The following VAT1L variants were observed in gnomAD, a reference collection of about 807,000 sequenced individuals.
The protein encoded by VAT1L is putative NADPH-dependent quinone oxidoreductase VAT1L.
VAT1L carries 34 observed loss-of-function variants against 44.1 expected under a neutral mutation model. The observed-to-expected ratio is 0.77, with a 90% CI of 0.59 to 1.03. VAT1L has a LOEUF of 1.03. Among genes scored for constraint, VAT1L ranks in the 50% least tolerant of loss-of-function variants. The pLI is 0.00. For missense variants in VAT1L, 615 were observed against 538.8 expected, an observed-to-expected ratio of 1.14 and a Z score of -1.40; for synonymous variants, 253 against 202.2, an observed-to-expected ratio of 1.25 and a Z score of -2.13.
intron 5 of VAT1L, among the ~76,000 whole-genome samples, chr16:77,877,764 A>C (rs1201017739): frequency 1.3e-5 from 2 of 151,582 alleles, no homozygotes; most frequent in Admixed American, 1.3e-4. Flanking sequence ...GAGAGGTATA[A>C]ATATGCAAGC....
chr16:77,808,870 T>G (rs539670567), intron 1 of VAT1L, among the ~76,000 whole-genome samples: 2 of 152,342 alleles, frequency 1.3e-5, no homozygotes, highest in African/African-American at 2.4e-5. Context: ...GTGCTGCGAT[T>G]ATAGGCGTGA....
intron 7 of VAT1L, among the ~76,000 whole-genome samples, chr16:77,938,748 T>A (rs575274768): frequency 6.6e-6 from 1 of 152,210 alleles, no homozygotes; most frequent in Non-Finnish European, 1.5e-5. Context: ...CTCTTTTCTT[T>A]ATAAATTACC....
At chr16:77,810,033 G>A (rs1432214916) in intron 1 of VAT1L, among the ~76,000 whole-genome samples, 2 of 152,166 alleles carry the variant, frequency 1.3e-5, no homozygotes, top group Non-Finnish European at 2.9e-5. Flanking sequence ...GAAAGAGACA[G>A]ACAAATGAGA....
At chr16:77,864,555 G>A (rs1351918225) in intron 4 of VAT1L, among the ~76,000 whole-genome samples, 3 of 152,220 alleles carry the variant, frequency 2.0e-5, no homozygotes, top group South Asian at 2.1e-4. Flanking sequence ...GCAGTGAGCT[G>A]AGATCATGCC....
intron 1 of VAT1L, among the ~76,000 whole-genome samples, chr16:77,809,751 T>C (rs2016232685): frequency 6.6e-6 from 1 of 152,236 alleles, no homozygotes; most frequent in Non-Finnish European, 1.5e-5. Flanking sequence ...GTTTACTACA[T>C]GTGACTTCAA....
chr16:77,826,669 A>G (rs1258558465), intron 3 of VAT1L, among the ~76,000 whole-genome samples: 1 of 152,168 alleles, frequency 6.6e-6, no homozygotes, highest in Non-Finnish European at 1.5e-5. Flanking sequence ...GCTACATGGC[A>G]AGCACTATGT....
At chr16:77,910,227 T>C (rs1308360040) in intron 7 of VAT1L, among the ~76,000 whole-genome samples, 1 of 152,022 alleles carries the variant, frequency 6.6e-6, no homozygotes, top group African/African-American at 2.4e-5. Flanking sequence ...AAAGAGAAAA[T>C]GAAAACTTGG....
chr16:77,925,553 T>C (rs2017656923), intron 7 of VAT1L, among the ~76,000 whole-genome samples: 1 of 152,156 alleles, frequency 6.6e-6, no homozygotes, highest in Non-Finnish European at 1.5e-5. Context: ...AAAAGATTAT[T>C]TCAGCTTTCC....
intron 4 of VAT1L, among the ~76,000 whole-genome samples, chr16:77,867,424 G>A (rs1285260185): frequency 6.6e-6 from 1 of 152,068 alleles, no homozygotes; most frequent in Non-Finnish European, 1.5e-5. Context: ...TTCATTGGGT[G>A]GAAATGGGTA....
At position 77,879,583 on chromosome 16, in the gene VAT1L, G is replaced by C. The variant is rs2017128238; in HGVS notation, c.882+359G>C. 6.6e-6 allele frequency among the ~76,000 whole-genome samples: 1 copy of C among 152,226 alleles called. No individual in the cohort carries two copies. Among genetic ancestry groups the C allele is most frequent in the Admixed American group, 6.5e-5 (1 of 15,278 alleles). On this transcript the variant is annotated intron_variant, in intron 6 of 8. Coordinates refer to ENST00000302536, the MANE Select transcript of VAT1L (RefSeq NM_020927.3). This position sits in a 1 kb window ranked among gnomAD's most constrained non-coding sequence, Gnocchi z 4.1. ...TTACAGGCGTGAGCCACCGCACCCA[G>C]CTGTGAGCTCTTCTATCATAAGGCA...
intron 7 of VAT1L, among the ~76,000 whole-genome samples, chr16:77,924,143 G>A (rs562212626): frequency 1.1e-4 from 17 of 152,266 alleles, no homozygotes; most frequent in African/African-American, 4.1e-4. Flanking sequence ...TTCTCCCGGA[G>A]AAGCTATATT....
At position 77,963,153 on chromosome 16, in the gene VAT1L, C is replaced by G. The variant is rs978761627; in HGVS notation, c.1078-8697C>G. On this transcript the variant is annotated intron_variant, in intron 7 of 8. Transcript: ENST00000302536. ...TAGGTGGGTGAGAACCTGGGCCGAG[C>G]AGAATAATACCACGCAAACGTGCCC... Among the ~76,000 whole-genome samples, 5 of 152,164 alleles carry G rather than the reference C, an allele frequency of 3.3e-5. No individual in the cohort carries two copies. The East Asian group carries it at 9.6e-4, about 29-fold the overall frequency.
chr16:77,849,652 C>A (rs2016789599), intron 3 of VAT1L, among the ~76,000 whole-genome samples: 2 of 152,314 alleles, frequency 1.3e-5, no homozygotes, highest in Admixed American at 1.3e-4. Flanking sequence ...GAAGGCAGGT[C>A]TGAGAATGGA....
chr16:77,818,166 G>C (rs2016387899), intron 2 of VAT1L, among the ~76,000 whole-genome samples: 1 of 152,148 alleles, frequency 6.6e-6, no homozygotes, highest in Non-Finnish European at 1.5e-5. Flanking sequence ...GGACAGGAGA[G>C]CTAAAGAAGA....
intron 8 of VAT1L, among the ~76,000 whole-genome samples, chr16:77,976,619 C>T (rs939144757): frequency 5.3e-5 from 8 of 152,300 alleles, no homozygotes; most frequent in Admixed American, 3.9e-4. Context: ...AAATCTGAGG[C>T]ACAGATCATG....
chr16:77,811,753 G>A (rs74817045), intron 1 of VAT1L, among the ~76,000 whole-genome samples: 4,653 of 152,278 alleles, frequency 0.031, 99 homozygotes, highest in South Asian at 0.046. Flanking sequence ...TTTACAGGGT[G>A]ATATTCATCA....
chr16:77,864,391 G>C (rs995045952), intron 4 of VAT1L, among the ~76,000 whole-genome samples: 1 of 152,190 alleles, frequency 6.6e-6, no homozygotes, highest in Non-Finnish European at 1.5e-5. Context: ...CCAGGAGTTT[G>C]AGACCACCCT....
In VAT1L at chr16:77,973,884, C is replaced by G. The variant is rs1046866928; in HGVS notation, c.1161+1951C>G. Reference sequence around the variant, plus strand: ...GGGACTACAGGCACCTGCCACCATGCCTGGCTAATTTTTTTGTATTTTTAG... The same window carrying G: ...GGGACTACAGGCACCTGCCACCATGGCTGGCTAATTTTTTTGTATTTTTAG... On this transcript the variant is annotated intron_variant, in intron 8 of 8. Transcript: ENST00000302536. 4.6e-5 allele frequency among the ~76,000 whole-genome samples: 7 copies of G among 152,050 alleles called. No homozygotes were observed. In the East Asian group the frequency reaches 1.2e-3, roughly 25 times the overall value.
chr16:77,816,252 A>T (rs17703395), intron 1 of VAT1L, among the ~76,000 whole-genome samples: 27,996 of 152,210 alleles, frequency 0.18, 2,736 homozygotes, highest in Admixed American at 0.24. Flanking sequence ...ATCTGGAAAT[A>T]ACTTAGATTT....
Sources: gnomAD v4.1 joint callset for allele counts (sites outside exome capture counted in the v4.1 genomes callset) on GRCh38, gnomAD v4.1.1 for gene constraint, Gnocchi (gnomAD v3.1) non-coding constraint, MANE v1.5 for transcripts, NCBI Gene and HGNC (gene_info 2026-07-23, HGNC 2026-07-21) for gene names.